The following TBC1D22A variants were observed in gnomAD, a reference collection of about 807,000 sequenced individuals.
TBC1D22A encodes the protein TBC1 domain family member 22A, also known as putative GTPase activator.
Under a neutral mutation model 60.2 loss-of-function variants are expected in TBC1D22A, and 38 were observed. The observed-to-expected ratio is 0.63, with a 90% CI of 0.49 to 0.83. The LOEUF is 0.83. Among genes scored for constraint, TBC1D22A ranks in the 40% least tolerant of loss-of-function variants. TBC1D22A has a pLI of 0.00. For synonymous variants in TBC1D22A, 302 were observed against 281.7 expected, an observed-to-expected ratio of 1.07 and a Z score of -0.72; for missense variants, 628 against 701.0, an observed-to-expected ratio of 0.90 and a Z score of 1.18.
At chr22:46,945,945 C>T (rs1447222067) in intron 8 of TBC1D22A, among the ~76,000 whole-genome samples, 1 of 152,190 alleles carries the variant, frequency 6.6e-6, no homozygotes, top group African/African-American at 2.4e-5. Flanking sequence ...GAACTGGGAC[C>T]CCAAGTACTT....
intron 9 of TBC1D22A, among the ~76,000 whole-genome samples, chr22:46,997,296 C>T (rs188361308): frequency 7.9e-4 from 121 of 152,330 alleles, no homozygotes; most frequent in South Asian, 7.7e-3. Flanking sequence ...TTCCCACAGA[C>T]GGTTCTGGTC....
At chr22:46,900,799 A>T (rs2068951806) in intron 7 of TBC1D22A, among the ~76,000 whole-genome samples, 1 of 152,208 alleles carries the variant, frequency 6.6e-6, no homozygotes, top group Non-Finnish European at 1.5e-5. Flanking sequence ...CCGTTGACGG[A>T]CACTGGAGTT....
intron 8 of TBC1D22A, among the ~76,000 whole-genome samples, chr22:46,923,036 T>G (rs1363937622): frequency 1.3e-5 from 2 of 152,204 alleles, no homozygotes; most frequent in African/African-American, 4.8e-5. Flanking sequence ...TTTTGTCCAT[T>G]CAGTGTGCTG....
At chr22:46,974,190 C>T (rs1213450111) in intron 8 of TBC1D22A, 100 bp from the exon 9 acceptor site, 7 of 927,094 alleles carry the variant, frequency 7.6e-6, no homozygotes, top group African/African-American at 6.5e-5. Flanking sequence ...GTGGAGGGAG[C>T]TGGATGCAGG....
intron 9 of TBC1D22A, among the ~76,000 whole-genome samples, chr22:46,989,161 G>T (rs1488969028): frequency 6.6e-6 from 1 of 152,164 alleles, no homozygotes; most frequent in Non-Finnish European, 1.5e-5. Context: ...GAGAATTAGG[G>T]TCTTGCTCTG....
chr22:46,973,149 G>A (rs1304463066), intron 8 of TBC1D22A, among the ~76,000 whole-genome samples: 2 of 152,240 alleles, frequency 1.3e-5, no homozygotes, highest in Non-Finnish European at 2.9e-5. Flanking sequence ...GAAGCAGCGC[G>A]ATGGGATAGG....
intron 8 of TBC1D22A, among the ~76,000 whole-genome samples, chr22:46,918,392 A>G (rs2070522799): frequency 6.6e-6 from 1 of 152,210 alleles, no homozygotes; most frequent in East Asian, 1.9e-4. Flanking sequence ...GCCACCCACC[A>G]GCCACAGGGG....
At chr22:46,981,211 C>A (rs1190663118) in intron 9 of TBC1D22A, among the ~76,000 whole-genome samples, 1 of 151,822 alleles carries the variant, frequency 6.6e-6, no homozygotes, top group Admixed American at 6.5e-5. Flanking sequence ...ATGACCTTGA[C>A]CCTGTATTTC....
intron 8 of TBC1D22A, among the ~76,000 whole-genome samples, chr22:46,929,329 G>T (rs1024674344): frequency 6.6e-6 from 1 of 152,204 alleles, no homozygotes; most frequent in African/African-American, 2.4e-5. Context: ...GTGTTTTTAG[G>T]TCTGGATAAC....
chr22:46,910,313 T>C (rs1296678670), intron 7 of TBC1D22A, among the ~76,000 whole-genome samples: 1 of 152,028 alleles, frequency 6.6e-6, no homozygotes, highest in African/African-American at 2.4e-5. Context: ...TTGAGAGACT[T>C]CACCTGTCGG....
chr22:47,039,284 C>A (rs879012713), intron 11 of TBC1D22A, among the ~76,000 whole-genome samples: 1 of 152,154 alleles, frequency 6.6e-6, no homozygotes, highest in South Asian at 2.1e-4. Context: ...GGTTATAAAC[C>A]TCTTCATATC....
chr22:46,952,545 A>G (rs537313180), intron 8 of TBC1D22A, among the ~76,000 whole-genome samples: 1 of 152,266 alleles, frequency 6.6e-6, no homozygotes, highest in East Asian at 1.9e-4. Flanking sequence ...GTTGGCCTGC[A>G]AGGTTAAGAT....
At chr22:46,876,506 T>G (rs979359282) in intron 4 of TBC1D22A, among the ~76,000 whole-genome samples, 5 of 152,214 alleles carry the variant, frequency 3.3e-5, no homozygotes, top group Non-Finnish European at 5.9e-5. Flanking sequence ...TTCTCTCGGG[T>G]CTGCCTCTGT....
At chr22:47,064,957 T>A (rs2063703742) in intron 11 of TBC1D22A, among the ~76,000 whole-genome samples, 1 of 152,190 alleles carries the variant, frequency 6.6e-6, no homozygotes. Context: ...TCAAGGTTTT[T>A]AAAAATTTGT....
At chr22:46,984,770 C>T (rs993489622) in intron 9 of TBC1D22A, among the ~76,000 whole-genome samples, 21 of 152,174 alleles carry the variant, frequency 1.4e-4, no homozygotes, top group African/African-American at 3.4e-4. Flanking sequence ...AGGCCAGAAA[C>T]GCAGTGGCGT....
At chr22:46,894,405 G>A (rs1366591957) in intron 6 of TBC1D22A, among the ~76,000 whole-genome samples, 1 of 152,226 alleles carries the variant, frequency 6.6e-6, no homozygotes, top group Non-Finnish European at 1.5e-5. Context: ...AGCTGTCACA[G>A]CTGAAAACTT....
At chr22:46,861,068 C>T (rs376367522) in intron 4 of TBC1D22A, among the ~76,000 whole-genome samples, 1 of 152,120 alleles carries the variant, frequency 6.6e-6, no homozygotes, top group East Asian at 1.9e-4. Flanking sequence ...AGCCATTCTC[C>T]TATCTCAGCC....
rs1167740382 is a variant in TBC1D22A, at chr22:47,174,190, C to G, written c.*564C>G. Reference sequence around the variant, plus strand: ...TTCCCTCCGTGTGTTTTCCTGCTTGCTTGGTTTAAACGTGGCTGGGAAGCT... The same window carrying G: ...TTCCCTCCGTGTGTTTTCCTGCTTGGTTGGTTTAAACGTGGCTGGGAAGCT... On this transcript the variant is annotated 3_prime_UTR_variant, in exon 13 of 13. Coordinates refer to ENST00000337137, the MANE Select transcript of TBC1D22A (RefSeq NM_014346.5). The G allele has an allele frequency of 3.9e-5, 6 of 153,024 alleles. No homozygotes were observed. The allele number at this position is 153,024 out of a possible 1,614,324, so 9.5% of individuals were successfully genotyped here. A position where few individuals can be genotyped will look rare whatever the true frequency, so the allele number is the denominator to read the frequency against.
At chr22:47,070,033 GA>G (rs2063920640) in intron 11 of TBC1D22A, among the ~76,000 whole-genome samples, 1 of 140,296 alleles carries the variant, frequency 7.1e-6, no homozygotes, top group Non-Finnish European at 1.5e-5. Context: ...GGTTGGAGCG[GA>G]GCTGACCTGA....
Sources: gnomAD v4.1 joint callset for allele counts (sites outside exome capture counted in the v4.1 genomes callset) on GRCh38, gnomAD v4.1.1 for gene constraint, MANE v1.5 for transcripts, NCBI Gene and HGNC (gene_info 2026-07-23, HGNC 2026-07-21) for gene names.